The following SMARCA4 variants were observed in gnomAD, a reference collection of about 807,000 sequenced individuals.
SMARCA4 encodes SWI/SNF related BAF chromatin remodeling complex subunit ATPase 4.
A neutral mutation model predicts 193.9 loss-of-function variants in SMARCA4; 31 were observed. The ratio of observed to expected loss-of-function variants is 0.16; its 90% CI spans 0.12 to 0.22. The LOEUF (loss-of-function observed/expected upper bound fraction) is 0.22. Among genes scored for constraint, SMARCA4 ranks in the 10% least tolerant of loss-of-function variants. SMARCA4 has a pLI of 1.00. For synonymous variants in SMARCA4, 942 were observed against 933.1 expected (o/e 1.01, Z -0.17); for missense variants, 1,148 against 2,296.0 (o/e 0.50, Z 10.22).
Position 11,031,318 on chromosome 19 carries a change from C to T in SMARCA4, c.3546+425C>T. 3.6e-6 allele frequency: 1 copy of T among 275,016 alleles called. No individual in the cohort carries two copies. Among genetic ancestry groups the T allele is most frequent in the Non-Finnish European group, 7.2e-6 (1 of 139,430 alleles). The allele number at this position is 275,016 out of a possible 1,614,324, so 17.0% of individuals were successfully genotyped here. ...ACTTCGTTTACTTCCTCCTCTTGTT[C>T]CATAACCATGTACCCCTCATGGGCC... is the stretch of plus-strand genomic sequence containing the variant. On this transcript the variant is annotated intron_variant, in intron 25 of 34. Coordinates refer to ENST00000344626, the MANE Select transcript of SMARCA4 (RefSeq NM_003072.5). This position sits in a 1 kb window ranked among gnomAD's most constrained non-coding sequence, Gnocchi z 4.3.
At position 10,987,650 on chromosome 19, in the gene SMARCA4, C is replaced by T. The variant is rs2145812566; in HGVS notation, c.860-16C>T. ...CAGAGCTCAACATGACGCCCTGGCC[C>T]CTTGCCTTCTCCCAGGACCCATGGC... is the stretch of plus-strand genomic sequence containing the variant. On this transcript the variant is annotated splice_polypyrimidine_tract_variant and intron_variant, in intron 5 of 34. Transcript: ENST00000344626. This position sits in a 1 kb window ranked among gnomAD's most constrained non-coding sequence, Gnocchi z 5.3. 6.2e-7 allele frequency: 1 copy of T among 1,613,062 alleles called. No homozygotes were observed. The highest frequency in any genetic ancestry group is 8.5e-7 in the Non-Finnish European group (1 of 1,179,780).
chr19:10,975,841 T>A (rs1281426502), intron 1 of SMARCA4, among the ~76,000 whole-genome samples: 4 of 152,234 alleles, frequency 2.6e-5, no homozygotes, highest in African/African-American at 9.6e-5. Context: ...TCCTTCTGGC[T>A]GCTGGCCTGG....
chr19:11,002,856 T>C (rs1049579981), intron 11 of SMARCA4, among the ~76,000 whole-genome samples, 173 bp from the exon 12 acceptor site: 2 of 150,904 alleles, frequency 1.3e-5, no homozygotes, highest in African/African-American at 4.9e-5. Flanking sequence ...TGATGGGTTA[T>C]ATATTTTTAC....
At chr19:11,049,571 G>A (rs910032912) in intron 30 of SMARCA4, among the ~76,000 whole-genome samples, 3 of 150,168 alleles carry the variant, frequency 2.0e-5, no homozygotes, top group African/African-American at 7.4e-5. Context: ...TGCAACCTCT[G>A]CCTCCCTCCC....
Position 11,030,992 on chromosome 19 carries a change from C to T in SMARCA4, c.3546+99C>T. On this transcript the variant is annotated intron_variant, in intron 25 of 34. Transcript: ENST00000344626. The surrounding 1 kb of genome is among the most constrained non-coding windows in gnomAD (Gnocchi z 5.5). Reference sequence around the variant, plus strand: ...CTTGAGGGTCCTCCAGCCTCCTCCACATTGTCTTGGACCCCAGGAGCCGGG... The same window carrying T: ...CTTGAGGGTCCTCCAGCCTCCTCCATATTGTCTTGGACCCCAGGAGCCGGG... 1 of 1,156,704 alleles carries T rather than the reference C, an allele frequency of 8.6e-7. No individual in the cohort carries two copies. Among genetic ancestry groups the T allele is most frequent in the South Asian group, 1.3e-5 (1 of 76,268 alleles). The allele number at this position is 1,156,704 out of a possible 1,614,324, so 71.7% of individuals were successfully genotyped here. A position where few individuals can be genotyped will look rare whatever the true frequency, so the allele number is the denominator to read the frequency against.
At position 11,009,300 on chromosome 19, in the gene SMARCA4, G is replaced by A. The variant is rs181601038; in HGVS notation, c.2124-1081G>A. Among the ~76,000 whole-genome samples the A allele has an allele frequency of 4.6e-5, 7 of 152,044 alleles. No homozygotes were observed. The East Asian group carries it at 1.2e-3, about 25-fold the overall frequency. ...CTCCCAAAGTGCTGGGATTACAGGC[G>A]TGAGCCACCGCACCTGGCCAGAGTT... On this transcript the variant is annotated intron_variant, in intron 14 of 34. Coordinates refer to ENST00000344626, the MANE Select transcript of SMARCA4 (RefSeq NM_003072.5).
chr19:11,025,387 A>G (rs1427397816), intron 21 of SMARCA4, 35 bp from the exon 22 acceptor site: 3 of 1,501,104 alleles, frequency 2.0e-6, no homozygotes, highest in Non-Finnish European at 2.8e-6. Context: ...CAGGAGGGCA[A>G]GACCCCATTT....
intron 30 of SMARCA4, among the ~76,000 whole-genome samples, chr19:11,049,679 T>C (rs1172872849): frequency 1.3e-5 from 2 of 152,126 alleles, no homozygotes; most frequent in East Asian, 3.9e-4. Context: ...ACACCCTTGG[T>C]GTGCTTGGTA....
At position 11,035,114 on chromosome 19, in the gene SMARCA4, G is replaced by A. The variant is rs372620534; in HGVS notation, c.4152G>A (p.Thr1384=). ...AGGTGGACTACAGCGACTCACTGAC[G>A]GAGAAGCAGTGGCTCAAGGTACATG... The part of the protein sequence containing the change: ...RKEVDYSDSL[T]EKQWLKAIEE... The change falls in exon 29 of 35, where the codon ACG becomes ACA. Residue 1384 remains threonine (T), a synonymous_variant. Coordinates refer to ENST00000344626, the MANE Select transcript of SMARCA4 (RefSeq NM_003072.5). 6.0e-5 allele frequency: 97 copies of A among 1,612,526 alleles called. 1 individual carries two copies. In the South Asian group the frequency reaches 8.7e-4, roughly 14 times the overall value.
chr19:11,007,701 T>A (rs1374334727), intron 13 of SMARCA4, among the ~76,000 whole-genome samples: 1 of 151,934 alleles, frequency 6.6e-6, no homozygotes, highest in Non-Finnish European at 1.5e-5. Flanking sequence ...ATCCTGAGAC[T>A]CCCATATATT....
intron 30 of SMARCA4, among the ~76,000 whole-genome samples, chr19:11,043,801 C>T (rs984487324): frequency 6.6e-6 from 1 of 152,150 alleles, no homozygotes; most frequent in Non-Finnish European, 1.5e-5. Context: ...TGGCAAAACC[C>T]CATCTCTACA....
Position 11,030,986 on chromosome 19 carries a change from C to G in SMARCA4, c.3546+93C>G, listed in dbSNP as rs2074890367. ...CCCTGGCTTGAGGGTCCTCCAGCCTCCTCCACATTGTCTTGGACCCCAGGA... is the reference window on the plus strand; with the variant it reads ...CCCTGGCTTGAGGGTCCTCCAGCCTGCTCCACATTGTCTTGGACCCCAGGA... On this transcript the variant is annotated intron_variant, in intron 25 of 34. Transcript: ENST00000344626. This position sits in a 1 kb window ranked among gnomAD's most constrained non-coding sequence, Gnocchi z 5.5. 8.4e-7 allele frequency: 1 copy of G among 1,187,600 alleles called. No individual in the cohort carries two copies. The highest frequency in any genetic ancestry group is 1.2e-6 in the Non-Finnish European group (1 of 824,472). 73.6% of individuals were successfully genotyped at this position (1,187,600 alleles called of 1,614,324 possible). A position where few individuals can be genotyped will look rare whatever the true frequency, so the allele number is the denominator to read the frequency against.
chr19:11,060,660 G>A (rs2076812741), intron 34 of SMARCA4, among the ~76,000 whole-genome samples: 1 of 152,214 alleles, frequency 6.6e-6, no homozygotes, highest in Admixed American at 6.5e-5. Context: ...TCCACTTGCT[G>A]GCTTTAAATA....
rs972023850 is a variant in SMARCA4, at chr19:11,031,284, C to T, written c.3546+391C>T. On this transcript the variant is annotated intron_variant, in intron 25 of 34. Transcript: ENST00000344626. The surrounding 1 kb of genome is among the most constrained non-coding windows in gnomAD (Gnocchi z 4.3). ...TTGTTCAGACACAATTGGGGGTAAACTCCATGCCACTTCGTTTACTTCCTC... is the reference window on the plus strand; with the variant it reads ...TTGTTCAGACACAATTGGGGGTAAATTCCATGCCACTTCGTTTACTTCCTC... 12 of 299,860 alleles carry T rather than the reference C, an allele frequency of 4.0e-5. No individual in the cohort carries two copies. The highest frequency in any genetic ancestry group is 2.4e-4 in the African/African-American group (11 of 46,510). The allele number at this position is 299,860 out of a possible 1,614,324, so 18.6% of individuals were successfully genotyped here.
intron 11 of SMARCA4, among the ~76,000 whole-genome samples, chr19:11,001,522 G>T (rs573491412): frequency 6.6e-6 from 1 of 152,314 alleles, no homozygotes; most frequent in East Asian, 1.9e-4. Context: ...AGTTCAATCA[G>T]AATTTTGGGT....
intron 11 of SMARCA4, among the ~76,000 whole-genome samples, chr19:10,997,727 A>G (rs896956795): frequency 6.6e-6 from 1 of 151,964 alleles, no homozygotes; most frequent in African/African-American, 2.4e-5. Context: ...TCAGCCTCCC[A>G]AAGTGTTAGG....
rs1314012136 is a variant in SMARCA4, at chr19:11,031,849, A to G, written c.3546+956A>G. ...GACATGGGGTCGCTCCACCCCAGAC[A>G]TTGTCCTCTTCGTGTTCTGGTTGCT... is the stretch of plus-strand genomic sequence containing the variant. On this transcript the variant is annotated intron_variant, in intron 25 of 34. Transcript: ENST00000344626. This position sits in a 1 kb window ranked among gnomAD's most constrained non-coding sequence, Gnocchi z 4.3. 6.6e-6 allele frequency: 1 copy of G among 152,148 alleles called. No homozygotes were observed. Among genetic ancestry groups the G allele is most frequent in the Non-Finnish European group, 1.5e-5 (1 of 68,046 alleles). The allele number at this position is 152,148 out of a possible 1,614,324, so 9.4% of individuals were successfully genotyped here. A position where few individuals can be genotyped will look rare whatever the true frequency, so the allele number is the denominator to read the frequency against.
At chr19:11,000,209 C>CA (rs1284278566) in intron 11 of SMARCA4, among the ~76,000 whole-genome samples, 1 of 147,624 alleles carries the variant, frequency 6.8e-6, no homozygotes, top group Non-Finnish European at 1.5e-5. Context: ...GCCTGGGTGA[C>CA]AGAGTGAGAT....
chr19:10,981,915 G>A (rs2085580800), intron 1 of SMARCA4, among the ~76,000 whole-genome samples: 1 of 152,146 alleles, frequency 6.6e-6, no homozygotes, highest in Admixed American at 6.6e-5. Context: ...TTGAGCCCCC[G>A]AGGTCAAGGC....
Sources: allele counts gnomAD v4.1 joint callset (sites outside exome capture counted in the v4.1 genomes callset), GRCh38; gene constraint gnomAD v4.1.1; non-coding constraint Gnocchi (gnomAD v3.1); transcripts MANE v1.5; gene names NCBI Gene and HGNC (gene_info 2026-07-23, HGNC 2026-07-21).